The following SLC2A9 variants were observed in gnomAD, a reference collection of about 807,000 sequenced individuals.
SLC2A9 encodes solute carrier family 2, facilitated glucose transporter member 9.
SLC2A9 carries 39 observed loss-of-function variants against 50.6 expected under a neutral mutation model. The observed-to-expected ratio is 0.77, with a 90% confidence interval of 0.60 to 1.01. The LOEUF (loss-of-function observed/expected upper bound fraction) is 1.01, where lower values mean the gene tolerates loss of function less well. Ranked by LOEUF, SLC2A9 falls within the 50% of genes least tolerant of loss-of-function variation. The pLI, the probability that SLC2A9 is intolerant of heterozygous loss-of-function variation, is 0.00. For missense variants in SLC2A9, 686 were observed against 677.6 expected (o/e 1.01, Z -0.14); for synonymous variants, 324 against 276.9 (o/e 1.17, Z -1.69).
At chr4:9,778,956 C>A (rs139667654), downstream of SLC2A9, among the ~76,000 whole-genome samples, 2 of 152,008 alleles carry the variant, frequency 1.3e-5, no homozygotes, top group African/African-American at 2.4e-5. Flanking sequence ...TTAGTAGAGA[C>A]GGGGTTTCAC....
intron 6 of SLC2A9, among the ~76,000 whole-genome samples, chr4:9,934,323 T>C (rs1034362739): frequency 3.9e-5 from 6 of 152,246 alleles, no homozygotes; most frequent in Non-Finnish European, 7.3e-5. Context: ...TATGTGTCTA[T>C]CGGGACCACT....
chr4:9,910,029 A>G (rs1354481544), intron 7 of SLC2A9, among the ~76,000 whole-genome samples: 3 of 152,238 alleles, frequency 2.0e-5, no homozygotes, highest in Non-Finnish European at 4.4e-5. Context: ...TATAGGACCT[A>G]CTTATATCTA....
intron 1 of SLC2A9, among the ~76,000 whole-genome samples, chr4:9,773,772 AATTC>A (rs2108819328): frequency 6.6e-6 from 1 of 152,286 alleles, no homozygotes; most frequent in East Asian, 1.9e-4. Flanking sequence ...AGTAGCTTTT[AATTC>A]TGCTCAACTC....
At chr4:9,917,620 T>C (rs1388841468) in intron 7 of SLC2A9, among the ~76,000 whole-genome samples, 1 of 152,182 alleles carries the variant, frequency 6.6e-6, no homozygotes, top group East Asian at 1.9e-4. Context: ...CACAAGACAC[T>C]GCACCCAGCA....
intron 1 of SLC2A9, among the ~76,000 whole-genome samples, chr4:10,037,064 TCCTCAG>T (rs1410982937): frequency 6.6e-6 from 1 of 152,202 alleles, no homozygotes; most frequent in African/African-American, 2.4e-5. Flanking sequence ...TAATTCCCAA[TCCTCAG>T]CCTACTCAGC....
At chr4:9,981,605 A>G (rs903389137) in intron 4 of SLC2A9, among the ~76,000 whole-genome samples, 2 of 152,190 alleles carry the variant, frequency 1.3e-5, no homozygotes, top group East Asian at 1.9e-4. Context: ...ATAGAGCCCC[A>G]GTGGGTCTCT....
At chr4:9,946,371 C>CA (rs1578022884) in intron 5 of SLC2A9, among the ~76,000 whole-genome samples, 1 of 152,192 alleles carries the variant, frequency 6.6e-6, no homozygotes, top group East Asian at 1.9e-4. Flanking sequence ...GATGAATCAG[C>CA]AAAAAATGTT....
At chr4:10,039,875 A>C (rs11734786) in intron 1 of SLC2A9, among the ~76,000 whole-genome samples, 65,454 of 152,120 alleles carry the variant, frequency 0.43, 15,639 homozygotes, top group South Asian at 0.59. Context: ...AGAAAGAAAG[A>C]AGAAAGGAAG....
downstream of SLC2A9, among the ~76,000 whole-genome samples, chr4:9,795,152 A>G (rs1024025017): frequency 2.4e-4 from 36 of 151,962 alleles, 1 homozygote; most frequent in Non-Finnish European, 5.9e-5. Flanking sequence ...CTGGGACTAC[A>G]GGTGCACGCC....
chr4:9,836,088 C>CAA (rs35303241), intron 10 of SLC2A9, among the ~76,000 whole-genome samples: 7,147 of 47,264 alleles, frequency 0.15, 621 homozygotes, highest in African/African-American at 0.27. Context: ...AACTCCCTCT[C>CAA]AAAAAAAAAA....
At chr4:9,887,504 C>G in intron 10 of SLC2A9, 63 bp downstream of exon 10, 1 of 1,476,602 alleles carries the variant, frequency 6.8e-7, no homozygotes. Flanking sequence ...ATGAGGAGAG[C>G]CCCCCAGCTT....
chr4:9,864,024 G>C lies in SLC2A9; in HGVS notation c.1291+23543C>G, dbSNP rs541823989. On this transcript the variant is annotated intron_variant, in intron 10 of 11. Coordinates refer to ENST00000264784, the MANE Select transcript of SLC2A9 (RefSeq NM_020041.3). ...TTCCCCAGATCTAGGCCCTGGGACT[G>C]GGGGGTTGCCATACAGAGATCTACC... is the stretch of plus-strand genomic sequence containing the variant. 1.2e-4 allele frequency among the ~76,000 whole-genome samples: 18 copies of C among 151,954 alleles called. 1 individual carries two copies. The highest frequency in any genetic ancestry group is 2.4e-4 in the Non-Finnish European group (16 of 68,010).
At chr4:9,877,330 T>C (rs750329298) in intron 10 of SLC2A9, among the ~76,000 whole-genome samples, 1 of 152,220 alleles carries the variant, frequency 6.6e-6, no homozygotes, top group Non-Finnish European at 1.5e-5. Context: ...GAGCTCCCTC[T>C]TGGGGCAGTG....
chr4:9,836,940 C>T (rs1055490197), intron 10 of SLC2A9, among the ~76,000 whole-genome samples: 4 of 152,202 alleles, frequency 2.6e-5, no homozygotes, highest in East Asian at 1.9e-4. Flanking sequence ...CTTAGCAAGC[C>T]GACCCAACCA....
At chr4:10,035,664 G>A (rs888264683) in intron 1 of SLC2A9, 5 of 152,218 alleles carry the variant, frequency 3.3e-5, no homozygotes, top group Non-Finnish European at 7.3e-5. Flanking sequence ...ACTGGTGTGG[G>A]AGTCTGTGGA....
chr4:9,900,343 G>A (rs1739371858), intron 8 of SLC2A9, among the ~76,000 whole-genome samples: 1 of 152,172 alleles, frequency 6.6e-6, no homozygotes, highest in Non-Finnish European at 1.5e-5. Context: ...GGAAAATTTG[G>A]TGGGAAGTAA....
rs199974698 is a variant in SLC2A9, at chr4:9,774,246, G to A, written n.182-2877C>T. 3.3e-5 allele frequency among the ~76,000 whole-genome samples: 5 copies of A among 152,000 alleles called. No homozygotes were observed. The South Asian group carries it at 1.0e-3, about 32-fold the overall frequency. ...TGACCTCAGGTGATCTACCCACCTC[G>A]GCCCCTAAAGTGCTGGGATTAAAGG... is the stretch of plus-strand genomic sequence containing the variant. On this transcript the variant is annotated intron_variant and non_coding_transcript_variant, in intron 1 of 1. Coordinates refer to the SLC2A9 transcript ENST00000508585.
chr4:9,802,265 G>A (rs1721517069), intron 3 of SLC2A9, among the ~76,000 whole-genome samples: 1 of 130,554 alleles, frequency 7.7e-6, no homozygotes. Flanking sequence ...TCTGAAAAAT[G>A]CTCTTTTTTT....
chr4:9,926,118 G>A (rs1744846854), intron 6 of SLC2A9, among the ~76,000 whole-genome samples: 1 of 152,072 alleles, frequency 6.6e-6, no homozygotes, highest in African/African-American at 2.4e-5. Context: ...CACCTGCTGA[G>A]CCCACACCTG....
Sources: allele counts gnomAD v4.1 joint callset (sites outside exome capture counted in the v4.1 genomes callset), GRCh38; gene constraint gnomAD v4.1.1; transcripts MANE v1.5; gene names NCBI Gene and HGNC (gene_info 2026-07-23, HGNC 2026-07-21).